Variants in ERVMER34-1 observed in about 807,000 individuals in gnomAD.
ERVMER34-1 encodes endogenous retroviral envelope protein HEMO.
For synonymous variants in ERVMER34-1, 199 were observed against 111.7 expected (o/e 1.78, Z -4.93); for missense variants, 471 against 295.1 (o/e 1.60, Z -4.37).
intron 2 of ERVMER34-1, among the ~76,000 whole-genome samples, chr4:52,750,179 AG>A (rs1716250366): frequency 6.6e-6 from 1 of 152,004 alleles, no homozygotes; most frequent in African/African-American, 2.4e-5. Flanking sequence ...TTGAATTTTT[AG>A]TAGAGATGGG....
At chr4:52,750,520 C>T (rs375155877) in intron 2 of ERVMER34-1, among the ~76,000 whole-genome samples, 1 of 152,156 alleles carries the variant, frequency 6.6e-6, no homozygotes, top group African/African-American at 2.4e-5. Context: ...GCTTGCGACC[C>T]TCCTCTTATC....
At position 52,745,174 on chromosome 4, in the gene ERVMER34-1, AC is replaced by A. The variant is rs1560436915; in HGVS notation, c.346del (p.Val116Ter). 1.4e-6 allele frequency: 1 copy of A among 704,106 alleles called. No individual in the cohort carries two copies. The highest frequency in any genetic ancestry group is 2.0e-5 in the Admixed American group (1 of 50,024). The allele number at this position is 704,106 out of a possible 1,614,324, so 43.6% of individuals were successfully genotyped here. A position where few individuals can be genotyped will look rare whatever the true frequency, so the allele number is the denominator to read the frequency against. On this transcript the variant is annotated frameshift_variant, in exon 3 of 3. Coordinates refer to ENST00000443173, the MANE Select transcript of ERVMER34-1 (RefSeq NM_001242690.2). LOFTEE classifies it low-confidence loss of function (END_TRUNC). ...AGAAAAATTTCCCTCCAATAACCTTACTTGAGCAAAGGATAGACCTTGAGCT... is the reference window on the plus strand; with the variant it reads ...AGAAAAATTTCCCTCCAATAACCTTATTGAGCAAAGGATAGACCTTGAGCT... ...MEAQGLSFAQ[V>X]RLLEGNFSLC...
chr4:52,745,587 G>T lies in ERVMER34-1; in HGVS notation c.-67C>A, dbSNP rs951356103. On this transcript the variant is annotated 5_prime_UTR_variant, in exon 3 of 3. Transcript: ENST00000443173. Reference sequence around the variant, plus strand: ...AATGGAGATTCAATGAAAGGGGAGGGTTTTGTTTAAATTTCTAAGTCAGAG... The same window carrying T: ...AATGGAGATTCAATGAAAGGGGAGGTTTTTGTTTAAATTTCTAAGTCAGAG... 1.6e-6 allele frequency: 1 copy of T among 644,704 alleles called. No homozygotes were observed. The highest frequency in any genetic ancestry group is 2.8e-6 in the Non-Finnish European group (1 of 357,502). The allele number at this position is 644,704 out of a possible 1,614,324, so 39.9% of individuals were successfully genotyped here.
In ERVMER34-1 at chr4:52,743,679, C is replaced by A. The variant is rs1305438951; in HGVS notation, c.*150G>T. 2 of 638,552 alleles carry A rather than the reference C, an allele frequency of 3.1e-6. No homozygotes were observed. Among genetic ancestry groups the A allele is most frequent in the Admixed American group, 6.4e-5 (2 of 31,420 alleles). 39.6% of individuals were successfully genotyped at this position (638,552 alleles called of 1,614,324 possible). The stretch of plus-strand genomic sequence containing the variant: ...AAAAAGTTCTGATAAGGCTTATTTA[C>A]AATACCTTGGGAGGTCCTAGTGCTA... On this transcript the variant is annotated 3_prime_UTR_variant, in exon 3 of 3. Coordinates refer to ENST00000443173, the MANE Select transcript of ERVMER34-1 (RefSeq NM_001242690.2).
chr4:52,750,567 AC>A (rs571179971), intron 2 of ERVMER34-1: 1 of 152,168 alleles, frequency 6.6e-6, no homozygotes, highest in Non-Finnish European at 1.5e-5. Context: ...ATGCCCCACA[AC>A]CTAAAACAGA....
At position 52,745,443 on chromosome 4, in the gene ERVMER34-1, G is replaced by A. The variant is rs1486380309; in HGVS notation, c.78C>T (p.His26=). Residue 26 remains histidine (H), a synonymous_variant, in exon 3 of 3, where the codon CAC becomes CAT. Transcript: ENST00000443173. Reference sequence around the variant, plus strand: ...GTGTCCGGAAAACTGGAGCAAGCAGGTGCTGAGGTTGTACTAGAATTGTCA... The same window carrying A: ...GTGTCCGGAAAACTGGAGCAAGCAGATGCTGAGGTTGTACTAGAATTGTCA... ...AFLTILVQPQ[H]LLAPVFRTLS... 1 of 704,108 alleles carries A rather than the reference G, an allele frequency of 1.4e-6. No homozygotes were observed. Among genetic ancestry groups the A allele is most frequent in the Admixed American group, 2.0e-5 (1 of 50,004 alleles). 43.6% of individuals were successfully genotyped at this position (704,108 alleles called of 1,614,324 possible). A position where few individuals can be genotyped will look rare whatever the true frequency, so the allele number is the denominator to read the frequency against.
In ERVMER34-1 at chr4:52,744,289, G is replaced by A; in HGVS notation, c.1232C>T (p.Ser411Leu). 2 of 704,110 alleles carry A rather than the reference G, an allele frequency of 2.8e-6. No individual in the cohort carries two copies. Among genetic ancestry groups the A allele is most frequent in the South Asian group, 3.0e-5 (2 of 67,574 alleles). The allele number at this position is 704,110 out of a possible 1,614,324, so 43.6% of individuals were successfully genotyped here. A position where few individuals can be genotyped will look rare whatever the true frequency, so the allele number is the denominator to read the frequency against. Residue 411 changes from serine (S) to leucine (L), a missense_variant, in exon 3 of 3, where the codon TCA becomes TTA. Physicochemically the swap from Ser to Leu is moderately radical, Grantham distance 145. Transcript: ENST00000443173. The stretch of plus-strand genomic sequence containing the variant: ...TGCAGAGGCTAAACTGCTAACTTTT[G>A]ATTGGTGTGCTTCCAAGGTCTGCTT... ...ATKQTLEAHQ[S>L]KVSSLASASR... is the part of the protein sequence containing the mutation.
At chr4:52,747,454 T>A (rs1226786113) in intron 2 of ERVMER34-1, among the ~76,000 whole-genome samples, 3 of 152,182 alleles carry the variant, frequency 2.0e-5, no homozygotes, top group Non-Finnish European at 2.9e-5. Context: ...GCTATGCAAC[T>A]AGGGGACAAC....
chr4:52,746,990 A>T (rs960848783), intron 2 of ERVMER34-1, among the ~76,000 whole-genome samples: 1 of 151,794 alleles, frequency 6.6e-6, no homozygotes, highest in African/African-American at 2.4e-5. Flanking sequence ...GCACTTTGGG[A>T]GGCTGAGACG....
At chr4:52,749,419 C>T (rs372720775) in intron 2 of ERVMER34-1, among the ~76,000 whole-genome samples, 3 of 152,276 alleles carry the variant, frequency 2.0e-5, no homozygotes, top group Non-Finnish European at 2.9e-5. Flanking sequence ...TGATGGAGAA[C>T]CCCACTCCAC....
At chr4:52,749,048 T>C (rs976088435) in intron 2 of ERVMER34-1, among the ~76,000 whole-genome samples, 1 of 152,080 alleles carries the variant, frequency 6.6e-6, no homozygotes, top group African/African-American at 2.4e-5. Context: ...TTATTTTTAA[T>C]AGGGACAAGG....
At position 52,744,201 on chromosome 4, in the gene ERVMER34-1, A is replaced by G. The variant is rs948443452; in HGVS notation, c.1320T>C (p.Val440=). Residue 440 remains valine, a synonymous_variant, in exon 3 of 3, where the codon GTT becomes GTC. Transcript: ENST00000443173. ...TTQRQTACGT[V]GKQCCLYINY... ...TTATATAGAGGCAACACTGTTTGCC[A>G]ACAGTTCCACAAGCCGTTTGTCGTT... 9.9e-6 allele frequency: 7 copies of G among 704,000 alleles called. No homozygotes were observed. The highest frequency in any genetic ancestry group is 8.7e-5 in the African/African-American group (5 of 57,248). 43.6% of individuals were successfully genotyped at this position (704,000 alleles called of 1,614,324 possible).
chr4:52,749,617 A>G (rs1257718582), intron 2 of ERVMER34-1, among the ~76,000 whole-genome samples: 1 of 152,124 alleles, frequency 6.6e-6, no homozygotes, highest in African/African-American at 2.4e-5. Flanking sequence ...AGCCTGGCCA[A>G]CATGGTGAAA....
At chr4:52,746,897 T>G (rs1185863421) in intron 2 of ERVMER34-1, among the ~76,000 whole-genome samples, 1 of 152,090 alleles carries the variant, frequency 6.6e-6, no homozygotes. Flanking sequence ...ACCTTAAAAT[T>G]TTCTGTATAC....
At chr4:52,749,565 G>A (rs939090738) in intron 2 of ERVMER34-1, among the ~76,000 whole-genome samples, 1 of 152,144 alleles carries the variant, frequency 6.6e-6, no homozygotes, top group African/African-American at 2.4e-5. Context: ...ACTTTGGGAG[G>A]CCGAGGTAGG....
In ERVMER34-1 at chr4:52,745,559, G is replaced by T; in HGVS notation, c.-39C>A. The T allele has an allele frequency of 1.5e-6, 1 of 676,084 alleles. No homozygotes were observed. Among genetic ancestry groups the T allele is most frequent in the South Asian group, 1.6e-5 (1 of 63,642 alleles). The allele number at this position is 676,084 out of a possible 1,614,324, so 41.9% of individuals were successfully genotyped here. A position where few individuals can be genotyped will look rare whatever the true frequency, so the allele number is the denominator to read the frequency against. On this transcript the variant is annotated 5_prime_UTR_variant, in exon 3 of 3. It adds an upstream start codon to the 5' untranslated region. Transcript: ENST00000443173. ...GCTAGATTAAAACAAGCAAACTCCA[G>T]ACAATGGAGATTCAATGAAAGGGGA...
chr4:52,749,369 A>G (rs1716226093), intron 2 of ERVMER34-1, among the ~76,000 whole-genome samples: 1 of 152,034 alleles, frequency 6.6e-6, no homozygotes, highest in Admixed American at 6.6e-5. Flanking sequence ...ACCCCTCCTC[A>G]TCTTGCAACT....
At position 52,745,171 on chromosome 4, in the gene ERVMER34-1, C is replaced by A. The variant is rs552402668; in HGVS notation, c.350G>T (p.Arg117Met). 9 of 704,102 alleles carry A rather than the reference C, an allele frequency of 1.3e-5. No homozygotes were observed. The highest frequency in any genetic ancestry group is 2.3e-5 in the Non-Finnish European group (9 of 385,002). 43.6% of individuals were successfully genotyped at this position (704,102 alleles called of 1,614,324 possible). A position where few individuals can be genotyped will look rare whatever the true frequency, so the allele number is the denominator to read the frequency against. ...AAGAGAAAAATTTCCCTCCAATAACCTTACTTGAGCAAAGGATAGACCTTG... is the reference window on the plus strand; with the variant it reads ...AAGAGAAAAATTTCCCTCCAATAACATTACTTGAGCAAAGGATAGACCTTG... The part of the protein sequence containing the change: ...EAQGLSFAQV[R>M]LLEGNFSLCV... Residue 117 changes from arginine to methionine, a missense_variant, in exon 3 of 3, where the codon AGG (arginine) becomes ATG (methionine). Physicochemically the swap from Arg to Met is moderately conservative, Grantham distance 91. Coordinates refer to ENST00000443173, the MANE Select transcript of ERVMER34-1 (RefSeq NM_001242690.2).
At chr4:52,746,717 TG>T (rs1716164083) in intron 2 of ERVMER34-1, among the ~76,000 whole-genome samples, 1 of 152,154 alleles carries the variant, frequency 6.6e-6, no homozygotes, top group African/African-American at 2.4e-5. Context: ...AAAGGCAGTG[TG>T]GGTCTTGGAA....
Sources: allele counts gnomAD v4.1 joint callset (sites outside exome capture counted in the v4.1 genomes callset), GRCh38; gene constraint gnomAD v4.1.1; transcripts MANE v1.5; gene names NCBI Gene and HGNC (gene_info 2026-07-23, HGNC 2026-07-21).